Variants in DOP1B observed in about 807,000 individuals in gnomAD.
DOP1B encodes DOP1 leucine zipper like protein B.
A neutral mutation model predicts 233.5 loss-of-function variants in DOP1B; 174 were observed. The observed-to-expected ratio is 0.75, with a 90% CI of 0.66 to 0.85. The LOEUF (loss-of-function observed/expected upper bound fraction) is 0.85. Among genes scored for constraint, DOP1B ranks in the 40% least tolerant of loss-of-function variants. DOP1B has a pLI of 0.00. For synonymous variants in DOP1B, 1,190 were observed against 1,185.6 expected, an observed-to-expected ratio of 1.00 and a Z score of -0.08; for missense variants, 2,652 against 2,846.6, an observed-to-expected ratio of 0.93 and a Z score of 1.56.
At chr21:36,291,099 T>C (rs2067552010) in intron 35 of DOP1B, among the ~76,000 whole-genome samples, 2 of 147,194 alleles carry the variant, frequency 1.4e-5, no homozygotes, top group African/African-American at 5.1e-5. Flanking sequence ...CTGTCTCTAC[T>C]AAAAATGCAA....
At position 36,238,612 on chromosome 21, in the gene DOP1B, G is replaced by A. The variant is rs776932464; in HGVS notation, c.2787G>A (p.Leu929=). 6.2e-7 allele frequency: 1 copy of A among 1,614,222 alleles called. No individual in the cohort carries two copies. Among genetic ancestry groups the A allele is most frequent in the African/African-American group, 1.3e-5 (1 of 75,070 alleles). ...ALLDPDKGTR[L]EALFRFSVIW... is the part of the protein sequence containing the mutation. ...ATCTCCTCATCAAGGGAACAAGGCT[G>A]GAAGCTCTGTTTAGATTTTCCGTGA... The change falls in exon 17 of 37, where the codon CTG becomes CTA. Residue 929 remains leucine, a synonymous_variant. Transcript: ENST00000691173.
At chr21:36,178,472 C>A (rs1016059221) in intron 2 of DOP1B, among the ~76,000 whole-genome samples, 1 of 150,986 alleles carries the variant, frequency 6.6e-6, no homozygotes, top group Admixed American at 6.6e-5. Context: ...AGACAGACTT[C>A]CTCCCACCTC....
Position 36,234,112 on chromosome 21 carries a change from C to T in DOP1B, c.2622+1037C>T, listed in dbSNP as rs557965681. Reference sequence around the variant, plus strand: ...CAGGAGTTTGGGAGGCCCGCCTCAGCCTCCCAAAGTGCCAGAATTATAGGT... The same window carrying T: ...CAGGAGTTTGGGAGGCCCGCCTCAGTCTCCCAAAGTGCCAGAATTATAGGT... On this transcript the variant is annotated intron_variant, in intron 15 of 36. Coordinates refer to ENST00000691173, the MANE Select transcript of DOP1B (RefSeq NM_001320714.2). Among the ~76,000 whole-genome samples, 113 of 152,196 alleles carry T rather than the reference C, an allele frequency of 7.4e-4. 5 individuals are homozygous for T. In the South Asian group the frequency reaches 0.023, roughly 31 times the overall value.
intron 16 of DOP1B, 122 bp downstream of exon 16, chr21:36,237,536 TA>T: frequency 1.6e-6 from 2 of 1,274,744 alleles, no homozygotes; most frequent in Non-Finnish European, 2.2e-6. Context: ...TCGTGATTAA[TA>T]AAATAAGCAG....
At chr21:36,248,123 T>C (rs2066990324) in intron 20 of DOP1B, among the ~76,000 whole-genome samples, 1 of 152,218 alleles carries the variant, frequency 6.6e-6, no homozygotes, top group African/African-American at 2.4e-5. Flanking sequence ...GATTAAGTCT[T>C]AGAATACATC....
chr21:36,181,646 G>A (rs1749397510), intron 2 of DOP1B, among the ~76,000 whole-genome samples: 1 of 152,184 alleles, frequency 6.6e-6, no homozygotes, highest in Admixed American at 6.5e-5. Flanking sequence ...CTGTCCCACA[G>A]GAAAAGGGAA....
chr21:36,281,019 AG>A (rs1323208429), intron 31 of DOP1B, among the ~76,000 whole-genome samples: 1 of 151,006 alleles, frequency 6.6e-6, no homozygotes, highest in Admixed American at 6.6e-5. Flanking sequence ...TAAAAAAATA[AG>A]TATTGGCTGG....
intron 27 of DOP1B, among the ~76,000 whole-genome samples, chr21:36,276,430 C>A (rs2146241987): frequency 1.3e-5 from 2 of 152,170 alleles, no homozygotes; most frequent in Admixed American, 1.3e-4. Flanking sequence ...ACTCGGGAGG[C>A]TAAGGCAGGA....
At chr21:36,204,060 A>AT (rs1287581523) in intron 4 of DOP1B, among the ~76,000 whole-genome samples, 1 of 152,042 alleles carries the variant, frequency 6.6e-6, no homozygotes, top group African/African-American at 2.4e-5. Context: ...TAAATCAGTA[A>AT]TTTTCAATGT....
Position 36,246,873 on chromosome 21 carries a change from GTTATGTTATGTTATGTTATGTTA to G in DOP1B, c.4697+199_4697+221del, listed in dbSNP as rs1405753845. On this transcript the variant is annotated intron_variant, in intron 19 of 36. Transcript: ENST00000691173. The surrounding 1 kb of genome is among the most constrained non-coding windows in gnomAD (Gnocchi z 5.1). ...GTTATGTTATGTTATGTTATGTTAT[GTTATGTTATGTTATGTTATGTTA>G]TTTTTGAGACAGAGTCTCTGTCACC... Among the ~76,000 whole-genome samples the G allele has an allele frequency of 3.3e-5, 5 of 149,740 alleles. No homozygotes were observed. Among genetic ancestry groups the G allele is most frequent in the African/African-American group, 1.3e-4 (5 of 39,554 alleles).
chr21:36,281,314 GA>G (rs2067413209), intron 31 of DOP1B, among the ~76,000 whole-genome samples, 168 bp from the exon 32 acceptor site: 1 of 152,112 alleles, frequency 6.6e-6, no homozygotes, highest in Non-Finnish European at 1.5e-5. Flanking sequence ...AATAAAAAGA[GA>G]AATAACTATT....
intron 4 of DOP1B, among the ~76,000 whole-genome samples, chr21:36,206,136 GCT>G (rs1419872022): frequency 6.6e-6 from 1 of 151,922 alleles, no homozygotes. Flanking sequence ...CGTTTATTTT[GCT>G]CTCTCATACC....
intron 17 of DOP1B, 69 bp from the exon 18 acceptor site, chr21:36,239,696 G>C: frequency 1.4e-6 from 2 of 1,464,110 alleles, no homozygotes; most frequent in Non-Finnish European, 1.8e-6. Flanking sequence ...CCTATGCCCA[G>C]TGTCTGCCAC....
At chr21:36,218,190 T>C (rs956093660) in intron 9 of DOP1B, among the ~76,000 whole-genome samples, 1 of 152,210 alleles carries the variant, frequency 6.6e-6, no homozygotes, top group Admixed American at 6.5e-5. Flanking sequence ...AAAATTGCCT[T>C]CATTTTTGTA....
At chr21:36,180,001 C>T (rs2066078009) in intron 2 of DOP1B, among the ~76,000 whole-genome samples, 1 of 152,126 alleles carries the variant, frequency 6.6e-6, no homozygotes, top group African/African-American at 2.4e-5. Flanking sequence ...ATGCCAGAGC[C>T]ACAGCCTGTC....
At chr21:36,237,216 C>T (rs758521761) in intron 15 of DOP1B, 46 bp from the exon 16 acceptor site, 1 of 1,612,702 alleles carries the variant, frequency 6.2e-7, no homozygotes, top group South Asian at 1.1e-5. Context: ...GCGGATGTTG[C>T]CTGTGTTGAC....
intron 27 of DOP1B, 113 bp downstream of exon 27, chr21:36,270,270 A>G (rs1394733733): frequency 9.4e-6 from 12 of 1,283,022 alleles, no homozygotes; most frequent in Non-Finnish European, 1.3e-5. Flanking sequence ...TACTTAAGGT[A>G]GGCTGGGTGC....
At chr21:36,179,524 C>A (rs2066071167) in intron 2 of DOP1B, among the ~76,000 whole-genome samples, 1 of 152,202 alleles carries the variant, frequency 6.6e-6, no homozygotes, top group African/African-American at 2.4e-5. Context: ...CTGTAAGAAT[C>A]TTCACTGTTT....
At chr21:36,189,795 G>A (rs2066210616) in intron 2 of DOP1B, among the ~76,000 whole-genome samples, 1 of 152,036 alleles carries the variant, frequency 6.6e-6, no homozygotes, top group African/African-American at 2.4e-5. Context: ...TGGATCACGA[G>A]GTCAGGAGTT....
Sources: allele counts gnomAD v4.1 joint callset (sites outside exome capture counted in the v4.1 genomes callset), GRCh38; gene constraint gnomAD v4.1.1; non-coding constraint Gnocchi (gnomAD v3.1); transcripts MANE v1.5; gene names NCBI Gene and HGNC (gene_info 2026-07-23, HGNC 2026-07-21).